ADGRL3: variants seen among roughly 807,000 people sequenced by gnomAD.
ADGRL3 encodes the protein adhesion G protein-coupled receptor L3.
A neutral mutation model predicts 153.5 loss-of-function variants in ADGRL3; 62 were observed. The ratio of observed to expected loss-of-function variants is 0.40; its 90% confidence interval spans 0.33 to 0.50. The LOEUF is 0.50. ADGRL3 is among the 20% of genes least tolerant of loss of function. The pLI, the probability that ADGRL3 is intolerant of heterozygous loss-of-function variation, is 0.47. For synonymous variants in ADGRL3, 710 were observed against 672.5 expected, an observed-to-expected ratio of 1.06 and a Z score of -0.86; for missense variants, 1,641 against 1,859.4, an observed-to-expected ratio of 0.88 and a Z score of 2.16.
chr4:61,607,458 G>A (rs1221972660), intron 5 of ADGRL3, among the ~76,000 whole-genome samples: 1 of 151,968 alleles, frequency 6.6e-6, no homozygotes, highest in East Asian at 1.9e-4. Flanking sequence ...AAATTAGCCG[G>A]GTGTGGTGGT....
chr4:61,485,426 A>G (rs1205917431), intron 2 of ADGRL3, among the ~76,000 whole-genome samples: 1 of 152,154 alleles, frequency 6.6e-6, no homozygotes, highest in Non-Finnish European at 1.5e-5. Flanking sequence ...TTTTACAGTA[A>G]TCTTTTCTCA....
chr4:61,951,513 A>G (rs17226342), intron 17 of ADGRL3, among the ~76,000 whole-genome samples: 9,061 of 152,264 alleles, frequency 0.06, 393 homozygotes, highest in East Asian at 0.18. Context: ...TTATGTTGCA[A>G]TGTTAGACAG....
intron 3 of ADGRL3, among the ~76,000 whole-genome samples, chr4:61,508,228 G>A (rs1347353617): frequency 1.3e-5 from 2 of 151,982 alleles, no homozygotes; most frequent in Non-Finnish European, 2.9e-5. Flanking sequence ...TACAATTTAG[G>A]CAACGATTAT....
At chr4:61,958,252 C>G (rs1433155888) in intron 17 of ADGRL3, among the ~76,000 whole-genome samples, 3 of 152,190 alleles carry the variant, frequency 2.0e-5, no homozygotes, top group Non-Finnish European at 4.4e-5. Context: ...GGACAGAATT[C>G]ATTAAAAGAA....
At chr4:61,418,320 A>T (rs1304514329) in intron 2 of ADGRL3, among the ~76,000 whole-genome samples, 1 of 152,240 alleles carries the variant, frequency 6.6e-6, no homozygotes, top group Non-Finnish European at 1.5e-5. Flanking sequence ...TTAAGGGAGA[A>T]GTAGAGAATC....
chr4:61,387,138 C>T (rs2096746731), intron 2 of ADGRL3, among the ~76,000 whole-genome samples: 1 of 152,010 alleles, frequency 6.6e-6, no homozygotes, highest in African/African-American at 2.4e-5. Flanking sequence ...TTGGTAGGAC[C>T]CGTGATACCC....
intron 9 of ADGRL3, among the ~76,000 whole-genome samples, chr4:61,852,476 A>G (rs1038361210): frequency 1.3e-5 from 2 of 151,812 alleles, no homozygotes; most frequent in South Asian, 4.2e-4. Flanking sequence ...CACCATGCCT[A>G]GCTAATTTTT....
rs565846230 is a variant in ADGRL3, at chr4:61,970,382, A to T, written c.2806-9181A>T. On this transcript the variant is annotated intron_variant, in intron 17 of 26. Transcript: ENST00000683033. ...ATTATTTTCTTTCTATTGATTGATC[A>T]TTCCTTTTCCTTTAACAATTTCTGC... Among the ~76,000 whole-genome samples the T allele has an allele frequency of 4.6e-5, 7 of 152,218 alleles. No homozygotes were observed. The South Asian group carries it at 1.4e-3, about 32-fold the overall frequency.
intron 1 of ADGRL3, among the ~76,000 whole-genome samples, chr4:61,355,419 G>A (rs138295072): frequency 6.6e-6 from 1 of 152,102 alleles, no homozygotes; most frequent in African/African-American, 2.4e-5. Context: ...TAATGGTAAT[G>A]CATTATTCAC....
In ADGRL3 at chr4:61,983,526, G is replaced by A; in HGVS notation, c.3159G>A (p.Leu1053=). 6.2e-7 allele frequency: 1 copy of A among 1,613,914 alleles called. No homozygotes were observed. The highest frequency in any genetic ancestry group is 8.5e-7 in the Non-Finnish European group (1 of 1,179,858). ...ATTCACGTAGGAAATACTTTTATCT[G>A]GTCGGCTATGGGATGCCTGCACTCA... ...SEHSRRKYFY[L]VGYGMPALIV... Residue 1053 remains leucine (L), a synonymous_variant, in exon 19 of 27, where the codon CTG becomes CTA. Coordinates refer to ENST00000683033, the MANE Select transcript of ADGRL3 (RefSeq NM_001387552.1).
chr4:61,334,394 G>A (rs888777531), intron 1 of ADGRL3, among the ~76,000 whole-genome samples: 17 of 152,112 alleles, frequency 1.1e-4, no homozygotes, highest in South Asian at 2.1e-4. Flanking sequence ...GATTCAGTGC[G>A]GTGGAGAGAT....
At chr4:61,787,837 T>TA (rs1491244649) in intron 8 of ADGRL3, among the ~76,000 whole-genome samples, 2 of 151,918 alleles carry the variant, frequency 1.3e-5, no homozygotes, top group African/African-American at 2.4e-5. Flanking sequence ...TTCATCACTC[T>TA]AAAAAATCCA....
At chr4:62,057,893 G>C (rs531820468) in intron 25 of ADGRL3, among the ~76,000 whole-genome samples, 6 of 152,210 alleles carry the variant, frequency 3.9e-5, no homozygotes, top group African/African-American at 1.4e-4. Context: ...TGGCCAGGCT[G>C]ATATCGAGCT....
chr4:61,667,902 A>G (rs936662655), intron 5 of ADGRL3, among the ~76,000 whole-genome samples: 7 of 152,222 alleles, frequency 4.6e-5, no homozygotes, highest in Admixed American at 4.6e-4. Flanking sequence ...TGGCAATGAC[A>G]TGCATCTTAC....
rs186654253 is a variant in ADGRL3, at chr4:61,994,208, C to T, written c.3237-2083C>T. On this transcript the variant is annotated intron_variant, in intron 19 of 26. Coordinates refer to ENST00000683033, the MANE Select transcript of ADGRL3 (RefSeq NM_001387552.1). ...TGTTGCTCAGGCTGAAGTACAGTGC[C>T]GGGTTCATGACTCACCACAGCCTGG... 2.9e-3 allele frequency among the ~76,000 whole-genome samples: 442 copies of T among 152,204 alleles called. 2 individuals carry two copies. The highest frequency in any genetic ancestry group is 6.8e-3 in the Middle Eastern group (2 of 294).
chr4:61,758,867 C>G (rs1328636395), intron 8 of ADGRL3, among the ~76,000 whole-genome samples: 1 of 152,192 alleles, frequency 6.6e-6, no homozygotes, highest in South Asian at 2.1e-4. Flanking sequence ...TCTTGTAGGG[C>G]AGGCCTGGTG....
At chr4:61,366,976 T>C (rs2096409539) in intron 1 of ADGRL3, among the ~76,000 whole-genome samples, 1 of 152,160 alleles carries the variant, frequency 6.6e-6, no homozygotes, top group Admixed American at 6.6e-5. Context: ...GCTCTTTCTT[T>C]GTTTATTAGA....
intron 1 of ADGRL3, among the ~76,000 whole-genome samples, chr4:61,230,683 C>T (rs983209452): frequency 5.3e-5 from 8 of 152,130 alleles, no homozygotes; most frequent in African/African-American, 1.7e-4. Context: ...CTGTGCGTAG[C>T]CTGTGGCTTA....
intron 1 of ADGRL3, among the ~76,000 whole-genome samples, chr4:61,306,276 T>G (rs2094784905): frequency 6.6e-6 from 1 of 151,916 alleles, no homozygotes; most frequent in Non-Finnish European, 1.5e-5. Context: ...TTTTTTGTAT[T>G]TTTAGTAGAG....
Sources: allele counts gnomAD v4.1 joint callset (sites outside exome capture counted in the v4.1 genomes callset), GRCh38; gene constraint gnomAD v4.1.1; transcripts MANE v1.5; gene names NCBI Gene and HGNC (gene_info 2026-07-23, HGNC 2026-07-21).